RIF1: variants seen among roughly 807,000 people sequenced by gnomAD.
RIF1 encodes the protein replication timing regulatory factor 1, also known as telomere-associated protein RIF1.
RIF1 carries 45 observed loss-of-function variants against 247.1 expected under a neutral mutation model. That is an observed-to-expected ratio of 0.18 (90% CI 0.14 to 0.23). RIF1 has a LOEUF of 0.23. Among genes scored for constraint, RIF1 ranks in the 10% least tolerant of loss-of-function variants. The pLI is 1.00. For missense variants in RIF1, 2,967 were observed against 2,862.5 expected (o/e 1.04, Z -0.83); for synonymous variants, 1,087 against 978.8 (o/e 1.11, Z -2.06).
intron 19 of RIF1, 50 bp from the exon 20 acceptor site, chr2:151,446,376 G>T: frequency 6.8e-7 from 1 of 1,465,908 alleles, no homozygotes; most frequent in South Asian, 1.2e-5. Flanking sequence ...TATAAACTTT[G>T]ATAGATAGGT....
At chr2:151,435,086 T>C (rs1167759183) in intron 10 of RIF1, among the ~76,000 whole-genome samples, 1 of 152,190 alleles carries the variant, frequency 6.6e-6, no homozygotes, top group Non-Finnish European at 1.5e-5. Context: ...GCTAATTCTT[T>C]GCATTTGTCC....
At position 151,455,120 on chromosome 2, in the gene RIF1, C is replaced by T. The variant is rs1425902954; in HGVS notation, c.2570C>T (p.Thr857Ile). The change falls in exon 22 of 36, where the codon ACT (threonine) becomes ATT (isoleucine). Residue 857 changes from threonine (T) to isoleucine (I), a missense_variant. Physicochemically the swap from Thr to Ile is moderately conservative, Grantham distance 89. Coordinates refer to ENST00000444746, the MANE Select transcript of RIF1 (RefSeq NM_018151.5). ...TCTATGATCCGAAAAATATTTGCAA[C>T]TTTAACAAGACCTCTGGCATTATTT... Reference protein sequence around the residue: ...LPSMIRKIFATLTRPLALFYE... With the variant: ...LPSMIRKIFAILTRPLALFYE... The T allele has an allele frequency of 6.2e-7, 1 of 1,612,938 alleles. No individual in the cohort carries two copies. Among genetic ancestry groups the T allele is most frequent in the Admixed American group, 1.7e-5 (1 of 59,898 alleles).
chr2:151,446,325 T>A, intron 19 of RIF1, 101 bp from the exon 20 acceptor site: 24 of 1,055,508 alleles, frequency 2.3e-5, no homozygotes, highest in East Asian at 7.8e-5. Context: ...ACACACTAAA[T>A]GTTGCAGTGT....
chr2:151,468,407 G>GTAA lies in RIF1; in HGVS notation c.6748-66_6748-64dup. The GTAA allele has an allele frequency of 3.4e-5, 44 of 1,283,700 alleles. 1 individual carries two copies. In the South Asian group the frequency reaches 5.2e-4, roughly 15 times the overall value. 79.5% of individuals were successfully genotyped at this position (1,283,700 alleles called of 1,614,324 possible). On this transcript the variant is annotated intron_variant, in intron 31 of 35. Transcript: ENST00000444746. The stretch of plus-strand genomic sequence containing the variant: ...TAAAGAAATGATTGCAGTCTAAGTT[G>GTAA]TAAAAATTGTGAAATTATAGTCATC...
chr2:151,525,160 T>TA, the RIF1 span: 3 of 1,607,726 alleles, frequency 1.9e-6, no homozygotes, highest in Non-Finnish European at 2.6e-6. Flanking sequence ...AGGGAAAACT[T>TA]ACATCACTTT....
At chr2:151,466,169 T>A in intron 30 of RIF1, 49 bp downstream of exon 30, 1 of 1,216,188 alleles carries the variant, frequency 8.2e-7, no homozygotes. Context: ...TTGGTTGGGA[T>A]ATTTTGGCCA....
chr2:151,418,454 C>G (rs747184199), intron 6 of RIF1, among the ~76,000 whole-genome samples: 2 of 152,218 alleles, frequency 1.3e-5, no homozygotes, highest in Admixed American at 6.5e-5. Flanking sequence ...GTGCACCCAC[C>G]TCAGCCTCCC....
chr2:151,428,855 AC>A lies in RIF1; in HGVS notation c.861del (p.Met288Ter). ...LEELGFRSGA[P>X]MIKKIAFIAW... Reference sequence around the variant, plus strand: ...AAGAACTTGGATTTCGTAGTGGAGCACCCATGATTAAAAAGATAGCTTTTAT... The same window carrying A: ...AAGAACTTGGATTTCGTAGTGGAGCACCATGATTAAAAAGATAGCTTTTAT... On this transcript the variant is annotated frameshift_variant, in exon 9 of 36. Coordinates refer to ENST00000444746, the MANE Select transcript of RIF1 (RefSeq NM_018151.5). LOFTEE classifies it high-confidence loss of function. 1 of 1,554,268 alleles carries A rather than the reference AC, an allele frequency of 6.4e-7. No homozygotes were observed. The highest frequency in any genetic ancestry group is 8.9e-7 in the Non-Finnish European group (1 of 1,125,756).
At chr2:151,504,750 G>T (rs1465481489) in intron 12 of RIF1, among the ~76,000 whole-genome samples, 4 of 152,158 alleles carry the variant, frequency 2.6e-5, no homozygotes, top group African/African-American at 9.7e-5. Flanking sequence ...AAAGGGGTGG[G>T]TGCAGAGCCA....
At chr2:151,498,319 G>T (rs2061744042) in intron 10 of RIF1, 1 of 1,551,302 alleles carries the variant, frequency 6.4e-7, no homozygotes, top group East Asian at 2.4e-5. Context: ...ATGGGGATTG[G>T]AATTCCTGTC....
rs143566263 is a variant in RIF1, at chr2:151,463,723, G to A, written c.4203G>A (p.Glu1401=). ...VVISADQMVN[E]DSQVQITPNQ... The stretch of plus-strand genomic sequence containing the variant: ...TATCAGCAGATCAAATGGTAAATGA[G>A]GATAGTCAGGTTCAGATAACTCCAA... The change falls in exon 30 of 36, where the codon GAG becomes GAA. Residue 1401 remains glutamate, a synonymous_variant. Transcript: ENST00000444746. 5.6e-5 allele frequency: 90 copies of A among 1,613,848 alleles called. No individual in the cohort carries two copies. In the African/African-American group the frequency reaches 9.9e-4, roughly 18 times the overall value.
At position 151,443,316 on chromosome 2, in the gene RIF1, G is replaced by A; in HGVS notation, c.1792G>A (p.Val598Ile). ...TTTCAACAATTTCTTGGAATGTGGT[G>A]TATCAGATGAAAGGTAAGTTTGTAC... ...LIFNNFLECGVSDERFFLSLE... is the reference protein window; with the variant it reads ...LIFNNFLECGISDERFFLSLE... Residue 598 changes from valine (V) to isoleucine (I), a missense_variant, in exon 17 of 36, where the codon GTA becomes ATA. Transcript: ENST00000444746. The A allele has an allele frequency of 6.3e-7, 1 of 1,592,576 alleles. No individual in the cohort carries two copies. The highest frequency in any genetic ancestry group is 1.1e-5 in the South Asian group (1 of 89,754).
At chr2:151,443,473 T>G in intron 17 of RIF1, 56 bp from the exon 18 acceptor site, 1 of 1,437,264 alleles carries the variant, frequency 7.0e-7, no homozygotes, top group Non-Finnish European at 9.2e-7. Context: ...TTGTTAACAT[T>G]AAATTAATAT....
At chr2:151,482,919 G>T (rs1047822793), downstream of RIF1, among the ~76,000 whole-genome samples, 1 of 152,024 alleles carries the variant, frequency 6.6e-6, no homozygotes, top group Non-Finnish European at 1.5e-5. Flanking sequence ...ACAGGTAGAG[G>T]TATTTCCCCA....
At chr2:151,514,931 AATGTAAGTAGG>A in the RIF1 span, 2 of 1,534,252 alleles carry the variant, frequency 1.3e-6, no homozygotes, top group Admixed American at 3.9e-5. Context: ...TATTCTTTCT[AATGTAAGTAGG>A]AAGGAAAGAC....
At position 151,482,095 on chromosome 2, in the gene RIF1, C is replaced by T. The variant is rs1203010336; in HGVS notation, c.*7024C>T. On this transcript the variant is annotated 3_prime_UTR_variant, in exon 36 of 36. Coordinates refer to ENST00000444746, the MANE Select transcript of RIF1 (RefSeq NM_018151.5). ...AATCATTGAGGGTTAACTGTTATCA[C>T]TTGCCAATGGAAACTGGATATTGAA... is the stretch of plus-strand genomic sequence containing the variant. 6.6e-6 allele frequency: 1 copy of T among 152,204 alleles called. No homozygotes were observed. The highest frequency in any genetic ancestry group is 1.9e-4 in the East Asian group (1 of 5,202). The allele number at this position is 152,204 out of a possible 1,614,324, so 9.4% of individuals were successfully genotyped here.
the RIF1 span, among the ~76,000 whole-genome samples, chr2:151,528,556 CTT>C: frequency 1.3e-5 from 2 of 152,200 alleles, no homozygotes; most frequent in Non-Finnish European, 2.9e-5. Context: ...CGTACAAGCT[CTT>C]TGCCAGCTCC....
At chr2:151,531,875 C>T in the RIF1 span, 1 of 1,598,248 alleles carries the variant, frequency 6.3e-7, no homozygotes, top group East Asian at 2.3e-5. Flanking sequence ...TTTGATTTTT[C>T]ATAGTTTTTC....
At chr2:151,440,445 T>C (rs1450906222) in intron 15 of RIF1, among the ~76,000 whole-genome samples, 1 of 152,198 alleles carries the variant, frequency 6.6e-6, no homozygotes, top group Non-Finnish European at 1.5e-5. Flanking sequence ...TATGACAAGA[T>C]TGCTGAAAAC....
Sources: gnomAD v4.1 joint callset for allele counts (sites outside exome capture counted in the v4.1 genomes callset) on GRCh38, gnomAD v4.1.1 for gene constraint, MANE v1.5 for transcripts, NCBI Gene and HGNC (gene_info 2026-07-23, HGNC 2026-07-21) for gene names.